The following ABCC5 variants were observed in gnomAD, a reference collection of about 807,000 sequenced individuals.
ABCC5 encodes ATP-binding cassette sub-family C member 5.
Under a neutral mutation model 160.9 loss-of-function variants are expected in ABCC5, and 61 were observed. That is an observed-to-expected ratio of 0.38 (90% CI 0.31 to 0.47). The LOEUF is 0.47. ABCC5 is among the 20% of genes least tolerant of loss of function. ABCC5 has a pLI of 0.99. For missense variants in ABCC5, 1,308 were observed against 1,813.3 expected (o/e 0.72, Z 5.06); for synonymous variants, 666 against 700.6 (o/e 0.95, Z 0.78).
In ABCC5 at chr3:183,920,642, GCAGGAGCC is replaced by G. The variant is rs1711882018; in HGVS notation, c.*650_*657del. 1 of 152,690 alleles carries G rather than the reference GCAGGAGCC, an allele frequency of 6.5e-6. No homozygotes were observed. The highest frequency in any genetic ancestry group is 6.5e-5 in the Admixed American group (1 of 15,282). The allele number at this position is 152,690 out of a possible 1,614,324, so 9.5% of individuals were successfully genotyped here. On this transcript the variant is annotated 3_prime_UTR_variant, in exon 30 of 30. Coordinates refer to ENST00000334444, the MANE Select transcript of ABCC5 (RefSeq NM_005688.4). The surrounding 1 kb of genome is among the most constrained non-coding windows in gnomAD (Gnocchi z 4.1). The stretch of plus-strand genomic sequence containing the variant: ...ACAGTAAGTGACACCAGGACAGAAG[GCAGGAGCC>G]CTGAGAACTCACGGCGCTCTGCATG...
chr3:183,978,365 G>A, intron 9 of ABCC5, 138 bp downstream of exon 9: 2 of 938,382 alleles, frequency 2.1e-6, no homozygotes, highest in Non-Finnish European at 3.1e-6. Flanking sequence ...GTCTTGCTCT[G>A]TCCCCCAGGC....
chr3:183,978,441 G>T, intron 9 of ABCC5, 62 bp downstream of exon 9: 1 of 1,570,708 alleles, frequency 6.4e-7, no homozygotes. Flanking sequence ...TGATTTTCCT[G>T]CCTCAGCCTC....
chr3:183,994,811 C>T (rs1720117704), intron 2 of ABCC5, among the ~76,000 whole-genome samples: 3 of 148,740 alleles, frequency 2.0e-5, no homozygotes, highest in Non-Finnish European at 4.4e-5. Flanking sequence ...CCCCTACATT[C>T]TTTTTGCTGA....
intron 2 of ABCC5, among the ~76,000 whole-genome samples, chr3:184,004,799 A>G (rs1721045791): frequency 6.6e-6 from 1 of 152,246 alleles, no homozygotes; most frequent in Admixed American, 6.5e-5. Flanking sequence ...AAGGTTGTCA[A>G]GTTAACAGGA....
At chr3:183,941,901 G>C (rs1423195595) in intron 25 of ABCC5, among the ~76,000 whole-genome samples, 1 of 151,812 alleles carries the variant, frequency 6.6e-6, no homozygotes, top group Non-Finnish European at 1.5e-5. Context: ...TTGAACCTGG[G>C]AGGTGGAGGT....
intron 2 of ABCC5, among the ~76,000 whole-genome samples, chr3:183,996,202 T>C (rs531238657): frequency 2.6e-5 from 4 of 152,306 alleles, no homozygotes; most frequent in African/African-American, 9.6e-5. Context: ...GCATGGCATA[T>C]TAGCATTAAT....
In ABCC5 at chr3:183,934,649, C is replaced by T. The variant is rs112840402; in HGVS notation, c.3854+3252G>A. 6.3e-3 allele frequency among the ~76,000 whole-genome samples: 954 copies of T among 152,306 alleles called. 11 individuals carry two copies. The highest frequency in any genetic ancestry group is 0.022 in the African/African-American group (907 of 41,566). Reference sequence around the variant, plus strand: ...ATGTTCTACCCACACCAGCTGCACGCGCCCATGGTCAATTCTTTTTCTTTT... The same window carrying T: ...ATGTTCTACCCACACCAGCTGCACGTGCCCATGGTCAATTCTTTTTCTTTT... On this transcript the variant is annotated intron_variant, in intron 26 of 29. Coordinates refer to ENST00000334444, the MANE Select transcript of ABCC5 (RefSeq NM_005688.4).
rs189496865 is a variant in ABCC5 at position 183,977,729 on chromosome 3, C to G, written c.1297-105G>C. On this transcript the variant is annotated intron_variant, in intron 9 of 29. Transcript: ENST00000334444. ...AGGCGCTAGGAAGGCTGCAACTTCA[C>G]GGTCAGCTGTTATTACAAGTCAATT... 657 of 720,366 alleles carry G rather than the reference C, an allele frequency of 9.1e-4. 1 individual carries two copies. The highest frequency in any genetic ancestry group is 1.4e-3 in the Non-Finnish European group (609 of 433,804). 44.6% of individuals were successfully genotyped at this position (720,366 alleles called of 1,614,324 possible). A position where few individuals can be genotyped will look rare whatever the true frequency, so the allele number is the denominator to read the frequency against.
intron 27 of ABCC5, among the ~76,000 whole-genome samples, chr3:183,928,155 C>A (rs1038105829): frequency 2.0e-5 from 3 of 150,472 alleles, no homozygotes; most frequent in Non-Finnish European, 4.4e-5. Flanking sequence ...TCTTGTTGCC[C>A]AGGCTGGAGT....
At chr3:183,969,937 C>A (rs1006401324) in intron 11 of ABCC5, among the ~76,000 whole-genome samples, 2 of 152,182 alleles carry the variant, frequency 1.3e-5, no homozygotes, top group African/African-American at 4.8e-5. Flanking sequence ...GTTACATGGA[C>A]AAACATTTCT....
chr3:183,997,070 C>T (rs1720344580), intron 2 of ABCC5, among the ~76,000 whole-genome samples: 1 of 152,092 alleles, frequency 6.6e-6, no homozygotes, highest in Non-Finnish European at 1.5e-5. Context: ...AACAGATATT[C>T]AGCTGTTGGC....
At chr3:183,967,788 G>A (rs1009367443) in intron 11 of ABCC5, 22 bp from the exon 12 acceptor site, 3 of 1,593,192 alleles carry the variant, frequency 1.9e-6, no homozygotes, top group Admixed American at 1.7e-5. Flanking sequence ...ACACAGAGAG[G>A]AGGGTCATTT....
At chr3:183,922,010 G>A (rs910282376) in intron 29 of ABCC5, among the ~76,000 whole-genome samples, 1 of 151,150 alleles carries the variant, frequency 6.6e-6, no homozygotes, top group African/African-American at 2.4e-5. Flanking sequence ...CAGGCTGGGC[G>A]ACACAACGAG....
At chr3:184,011,536 C>A (rs919337385) in intron 2 of ABCC5, 1 of 152,118 alleles carries the variant, frequency 6.6e-6, no homozygotes, top group African/African-American at 2.4e-5. Flanking sequence ...ACCCAGCAAG[C>A]GCAGTCCTGG....
At chr3:183,979,407 G>C (rs1718509681) in intron 8 of ABCC5, among the ~76,000 whole-genome samples, 1 of 151,110 alleles carries the variant, frequency 6.6e-6, no homozygotes, top group East Asian at 1.9e-4. Context: ...CCTGCTGTAT[G>C]TTGGCAGTGG....
At chr3:183,964,830 A>G (rs772032912) in intron 14 of ABCC5, among the ~76,000 whole-genome samples, 3 of 152,210 alleles carry the variant, frequency 2.0e-5, no homozygotes, top group Non-Finnish European at 2.9e-5. Flanking sequence ...AGGGCTCTCT[A>G]CAGACTATCT....
chr3:183,981,995 A>T (rs1481631899), intron 7 of ABCC5, 121 bp from the exon 8 acceptor site: 18 of 996,730 alleles, frequency 1.8e-5, no homozygotes, highest in Non-Finnish European at 2.5e-5. Context: ...GATGGGCCAA[A>T]TGTTATGTAA....
chr3:183,931,324 C>CA (rs1713159694), intron 26 of ABCC5, among the ~76,000 whole-genome samples: 4 of 131,530 alleles, frequency 3.0e-5, no homozygotes, highest in Admixed American at 1.6e-4. Flanking sequence ...ACAGGCTTAA[C>CA]TTTTTTTTTT....
rs1576894642 is a variant in ABCC5, at chr3:183,982,918, C to G, written c.681G>C (p.Leu227=). 3.7e-6 allele frequency: 6 copies of G among 1,614,096 alleles called. No individual in the cohort carries two copies. The East Asian group carries it at 1.3e-4, about 36-fold the overall frequency. ...GCGACCAAGACCGCACGATTTCCGT[C>G]AGGAGGAGGCCCAGCACTAACAACA... ...YSLLLVLGLL[L]TEIVRSWSLA... is the part of the protein sequence containing the mutation. Residue 227 remains leucine, a synonymous_variant, in exon 6 of 30, where the codon CTG becomes CTC. Coordinates refer to ENST00000334444, the MANE Select transcript of ABCC5 (RefSeq NM_005688.4). This position sits in a 1 kb window ranked among gnomAD's most constrained non-coding sequence, Gnocchi z 5.2.
Sources: allele counts gnomAD v4.1 joint callset (sites outside exome capture counted in the v4.1 genomes callset), GRCh38; gene constraint gnomAD v4.1.1; non-coding constraint Gnocchi (gnomAD v3.1); transcripts MANE v1.5; gene names NCBI Gene and HGNC (gene_info 2026-07-23, HGNC 2026-07-21).